FMR1NB: variants seen among roughly 807,000 people sequenced by gnomAD.
The protein encoded by FMR1NB is FMR1 neighbor protein.
A neutral mutation model predicts 16.8 loss-of-function variants in FMR1NB; 10 were observed. The ratio of observed to expected loss-of-function variants is 0.60; its 90% confidence interval spans 0.37 to 1.01. FMR1NB has a LOEUF of 1.01. FMR1NB is among the 50% of genes least tolerant of loss of function. The pLI, the probability that FMR1NB is intolerant of heterozygous loss-of-function variation, is 0.01. For synonymous variants in FMR1NB, 83 were observed against 79.1 expected (o/e 1.05, Z -0.26); for missense variants, 205 against 204.8 (o/e 1.00, Z 0.00).
chrX:147,990,227 G>A (rs1311173558), intron 1 of FMR1NB, among the ~76,000 whole-genome samples: 1 of 110,978 alleles, frequency 9.0e-6, no homozygotes, highest in Non-Finnish European at 1.9e-5. Context: ...TCACAGCTTC[G>A]CTTGGCTGGG....
At chrX:148,018,836 A>G (rs2044664421) in intron 4 of FMR1NB, among the ~76,000 whole-genome samples, 1 of 111,882 alleles carries the variant, frequency 8.9e-6, no homozygotes, top group South Asian at 3.7e-4. Flanking sequence ...GATCTAATTA[A>G]ACTAAAGAGC....
At chrX:147,993,904 T>C (rs2044528108) in intron 1 of FMR1NB, among the ~76,000 whole-genome samples, 1 of 110,240 alleles carries the variant, frequency 9.1e-6, no homozygotes, top group Non-Finnish European at 1.9e-5. Flanking sequence ...CTCAAAGTCT[T>C]TCCCTCCTCC....
chrX:148,008,432 A>G (rs1453154394), intron 3 of FMR1NB, among the ~76,000 whole-genome samples, 186 bp from the exon 4 acceptor site: 2 of 112,261 alleles, frequency 1.8e-5, no homozygotes, highest in African/African-American at 3.2e-5. Flanking sequence ...CTTCAGTTGT[A>G]TTTCAAGAAC....
At chrX:148,019,500 G>T (rs2044668066) in intron 4 of FMR1NB, among the ~76,000 whole-genome samples, 1 of 111,612 alleles carries the variant, frequency 9.0e-6, no homozygotes, top group Non-Finnish European at 1.9e-5. Flanking sequence ...GAAGAGTTAG[G>T]TATTCATTGT....
At chrX:147,993,689 C>T (rs1321681840) in intron 1 of FMR1NB, among the ~76,000 whole-genome samples, 6 of 109,426 alleles carry the variant, frequency 5.5e-5, no homozygotes, top group African/African-American at 1.7e-4. Flanking sequence ...TTCCCCTCTC[C>T]CTCAAATTCC....
chrX:148,017,536 T>C (rs1557190218), intron 4 of FMR1NB, among the ~76,000 whole-genome samples: 1 of 110,768 alleles, frequency 9.0e-6, no homozygotes, highest in African/African-American at 3.3e-5. Context: ...TTCTTTTTTT[T>C]TCTTTTTTTT....
chrX:147,988,256 C>T (rs1299098141), intron 1 of FMR1NB, among the ~76,000 whole-genome samples: 3 of 111,461 alleles, frequency 2.7e-5, no homozygotes, highest in African/African-American at 6.5e-5. Flanking sequence ...TTTATTTCTC[C>T]TTCGCTTATG....
chrX:148,010,101 A>G (rs1475807800), intron 4 of FMR1NB, among the ~76,000 whole-genome samples: 1 of 110,141 alleles, frequency 9.1e-6, no homozygotes, highest in Non-Finnish European at 1.9e-5. Flanking sequence ...GGTCCCCTGG[A>G]TTTTTTTTTC....
intron 1 of FMR1NB, among the ~76,000 whole-genome samples, chrX:147,992,749 C>T (rs1429716313): frequency 2.8e-5 from 2 of 71,750 alleles, no homozygotes; most frequent in East Asian, 4.3e-4. Context: ...GGGTCTCGGC[C>T]GGGCAGAGGC....
At chrX:147,983,370 A>G (rs782664821) in intron 1 of FMR1NB, among the ~76,000 whole-genome samples, 1 of 112,065 alleles carries the variant, frequency 8.9e-6, no homozygotes, top group South Asian at 3.7e-4. Context: ...ACAATGTTTG[A>G]AGGTTTCAAT....
chrX:148,011,632 G>A (rs2044625655), intron 4 of FMR1NB, among the ~76,000 whole-genome samples: 1 of 111,591 alleles, frequency 9.0e-6, no homozygotes, highest in Admixed American at 9.5e-5. Flanking sequence ...TTAAGTAGGA[G>A]AGGGCACGTC....
chrX:147,982,108 G>A (rs1167074284), intron 1 of FMR1NB, among the ~76,000 whole-genome samples: 2 of 111,175 alleles, frequency 1.8e-5, no homozygotes, highest in African/African-American at 6.6e-5. Context: ...GGCCAACATG[G>A]TGAAACCCTC....
chrX:147,987,780 CA>C (rs1223994366), intron 1 of FMR1NB, among the ~76,000 whole-genome samples: 1 of 110,829 alleles, frequency 9.0e-6, no homozygotes, highest in East Asian at 2.8e-4. Context: ...TTCCCTTTAC[CA>C]TTATGTAATG....
intron 1 of FMR1NB, among the ~76,000 whole-genome samples, chrX:147,996,031 G>T (rs924539119): frequency 9.0e-6 from 1 of 111,611 alleles, no homozygotes; most frequent in East Asian, 2.8e-4. Context: ...CAAAATGCTT[G>T]GTTATCTTAA....
chrX:148,014,194 G>C (rs1340950251), intron 4 of FMR1NB, among the ~76,000 whole-genome samples: 4 of 111,063 alleles, frequency 3.6e-5, no homozygotes, highest in Non-Finnish European at 7.5e-5. Context: ...ATCTGAGATG[G>C]GGCCGCAAGT....
At position 148,024,899 on chromosome X, in the gene FMR1NB, A is replaced by G; in HGVS notation, c.667A>G (p.Arg223Gly). The change falls in exon 5 of 6, where the codon AGA becomes GGA. Residue 223 changes from arginine (R) to glycine (G), a missense_variant. By Grantham distance (125) the Arg-to-Gly change is moderately radical (BLOSUM62 -2). Coordinates refer to ENST00000370467, the MANE Select transcript of FMR1NB (RefSeq NM_152578.3). ...PADDLQRQDN[R>G]VVTGLKKQRR... ...CGATGATTTACAAAGGCAGGACAAC[A>G]GAGTTGTAACGGGTTTGAAGAAACA... is the stretch of plus-strand genomic sequence containing the variant. The G allele has an allele frequency of 8.3e-7, 1 of 1,211,267 alleles. No individual in the cohort carries two copies. Among genetic ancestry groups the G allele is most frequent in the Non-Finnish European group, 1.1e-6 (1 of 895,006 alleles).
intron 1 of FMR1NB, among the ~76,000 whole-genome samples, chrX:147,999,755 C>T (rs1405694215): frequency 9.0e-6 from 1 of 111,556 alleles, no homozygotes; most frequent in Non-Finnish European, 1.9e-5. Context: ...ATCCTCAAAA[C>T]ACAGAATATA....
At chrX:148,022,989 C>A (rs1248904826) in intron 4 of FMR1NB, among the ~76,000 whole-genome samples, 1 of 111,618 alleles carries the variant, frequency 9.0e-6, no homozygotes, top group African/African-American at 3.2e-5. Context: ...TTGTTGTATT[C>A]ATTTTGCGAC....
chrX:148,004,362 G>A (rs1027031095), intron 2 of FMR1NB, among the ~76,000 whole-genome samples: 3 of 112,007 alleles, frequency 2.7e-5, no homozygotes, highest in African/African-American at 9.7e-5. Context: ...AGACACTGAA[G>A]CCACCTGTAA....
Sources: gnomAD v4.1 joint callset for allele counts (sites outside exome capture counted in the v4.1 genomes callset) on GRCh38, gnomAD v4.1.1 for gene constraint, MANE v1.5 for transcripts, NCBI Gene and HGNC (gene_info 2026-07-23, HGNC 2026-07-21) for gene names.